The following PTPRC variants were observed in gnomAD, a reference collection of about 807,000 sequenced individuals.
The protein encoded by PTPRC is receptor-type tyrosine-protein phosphatase C.
In PTPRC, 44 loss-of-function variants were observed where a neutral mutation model predicts 155.9. The ratio of observed to expected loss-of-function variants is 0.28; its 90% CI spans 0.22 to 0.36. The LOEUF (loss-of-function observed/expected upper bound fraction) is 0.36, where lower values mean the gene tolerates loss of function less well. Among genes scored for constraint, PTPRC ranks in the 10% least tolerant of loss-of-function variants. PTPRC has a pLI of 1.00. For synonymous variants in PTPRC, 525 were observed against 533.1 expected (o/e 0.98, Z 0.21); for missense variants, 1,401 against 1,564.6 (o/e 0.90, Z 1.76).
chr1:198,709,925 T>C, intron 11 of PTPRC, 101 bp downstream of exon 11: 1 of 1,484,844 alleles, frequency 6.7e-7, no homozygotes, highest in Non-Finnish European at 9.2e-7. Context: ...TTGCTGTTTT[T>C]GATACTTTTT....
intron 2 of PTPRC, among the ~76,000 whole-genome samples, chr1:198,650,951 C>A (rs1236358828): frequency 1.3e-5 from 2 of 151,774 alleles, no homozygotes; most frequent in Non-Finnish European, 2.9e-5. Flanking sequence ...ATTTATGTCT[C>A]CCCTAGAAAG....
At chr1:198,705,001 T>C (rs1269525067) in intron 8 of PTPRC, among the ~76,000 whole-genome samples, 1 of 152,174 alleles carries the variant, frequency 6.6e-6, no homozygotes, top group Non-Finnish European at 1.5e-5. Flanking sequence ...ATGATAAATA[T>C]AAAATGTGGA....
intron 5 of PTPRC, among the ~76,000 whole-genome samples, chr1:198,700,978 G>A (rs1167863147): frequency 6.6e-6 from 1 of 152,140 alleles, no homozygotes; most frequent in African/African-American, 2.4e-5. Flanking sequence ...TGAGTGAGAG[G>A]AGTGTGGAAA....
chr1:198,734,998 G>A, intron 22 of PTPRC, 129 bp from the exon 23 acceptor site: 2 of 808,098 alleles, frequency 2.5e-6, no homozygotes, highest in Non-Finnish European at 3.9e-6. Flanking sequence ...GTTTATATGT[G>A]CTTAAACTAT....
intron 10 of PTPRC, 97 bp downstream of exon 10, chr1:198,708,358 C>A: frequency 8.1e-7 from 1 of 1,229,522 alleles, no homozygotes; most frequent in Non-Finnish European, 1.2e-6. Context: ...CTCTTCCTCC[C>A]TGCCTCTCTT....
chr1:198,751,500 C>T (rs1306354683), intron 29 of PTPRC, among the ~76,000 whole-genome samples: 1 of 151,946 alleles, frequency 6.6e-6, no homozygotes, highest in African/African-American at 2.4e-5. Flanking sequence ...TCACCTGGTC[C>T]CCTTCCCCTG....
intron 18 of PTPRC, 127 bp downstream of exon 18, chr1:198,731,853 A>G: frequency 1.3e-6 from 1 of 759,660 alleles, no homozygotes; most frequent in South Asian, 1.4e-5. Context: ...CAAAGTAGAT[A>G]TTATTAGCAG....
intron 2 of PTPRC, among the ~76,000 whole-genome samples, chr1:198,651,120 A>G (rs532609862): frequency 6.6e-6 from 1 of 151,934 alleles, no homozygotes; most frequent in Non-Finnish European, 1.5e-5. Flanking sequence ...GTACATCTTA[A>G]CATAATTTGT....
chr1:198,646,002 G>A (rs1375757162), intron 2 of PTPRC, among the ~76,000 whole-genome samples: 3 of 151,628 alleles, frequency 2.0e-5, no homozygotes, highest in Non-Finnish European at 4.4e-5. Flanking sequence ...GCTCCTATTG[G>A]TAGAAAATAT....
In PTPRC at chr1:198,716,648, C is replaced by T. The variant is rs766408493; in HGVS notation, c.1292-34C>T. The T allele has an allele frequency of 1.1e-5, 17 of 1,596,274 alleles. No homozygotes were observed. In the East Asian group the frequency reaches 2.9e-4, roughly 27 times the overall value. On this transcript the variant is annotated intron_variant, in intron 12 of 32. Transcript: ENST00000442510. Reference sequence around the variant, plus strand: ...GGTACGTGGTAGTACTGACTTTTAACGACTTACTAATTTTTTTTCACATTT... The same window carrying T: ...GGTACGTGGTAGTACTGACTTTTAATGACTTACTAATTTTTTTTCACATTT...
At chr1:198,699,889 A>AAT in intron 5 of PTPRC, 185 bp downstream of exon 5, 1 of 745,182 alleles carries the variant, frequency 1.3e-6, no homozygotes, top group Non-Finnish European at 2.2e-6. Flanking sequence ...ACAGAGATGA[A>AAT]ATAATAGTGA....
intron 16 of PTPRC, among the ~76,000 whole-genome samples, chr1:198,728,887 G>A (rs1654263638): frequency 6.6e-6 from 1 of 151,992 alleles, no homozygotes; most frequent in African/African-American, 2.4e-5. Context: ...GACAATTCTT[G>A]GTTGTTTTCT....
intron 2 of PTPRC, among the ~76,000 whole-genome samples, chr1:198,671,528 C>T (rs2102294077): frequency 6.6e-6 from 1 of 152,284 alleles, no homozygotes. Context: ...AGGGTGAAAT[C>T]AACTACTCCC....
intron 26 of PTPRC, among the ~76,000 whole-genome samples, chr1:198,746,933 T>A (rs893570198): frequency 6.6e-6 from 1 of 151,690 alleles, no homozygotes; most frequent in East Asian, 1.9e-4. Context: ...AAGAATGAGG[T>A]TTGAAACAGG....
intron 3 of PTPRC, 184 bp downstream of exon 3, chr1:198,692,557 T>C (rs773974298): frequency 1.1e-4 from 112 of 1,057,162 alleles, no homozygotes; most frequent in Non-Finnish European, 1.3e-4. Flanking sequence ...GTTTAATAAC[T>C]ACCTAAACAT....
chr1:198,727,360 G>A (rs531114781), intron 15 of PTPRC, among the ~76,000 whole-genome samples: 1 of 151,960 alleles, frequency 6.6e-6, no homozygotes, highest in Admixed American at 6.6e-5. Flanking sequence ...TTCTTCACTA[G>A]AGAGTAAGTT....
At chr1:198,706,460 C>T (rs942809123) in intron 8 of PTPRC, among the ~76,000 whole-genome samples, 1 of 152,046 alleles carries the variant, frequency 6.6e-6, no homozygotes, top group African/African-American at 2.4e-5. Flanking sequence ...ATAAAAATAG[C>T]CTAGACTTTG....
At chr1:198,680,142 GC>G in intron 2 of PTPRC, 1 of 408,240 alleles carries the variant, frequency 2.4e-6, no homozygotes, top group Non-Finnish European at 4.4e-6. Flanking sequence ...GGAAGCCGGG[GC>G]TCATTTATAG....
intron 2 of PTPRC, among the ~76,000 whole-genome samples, chr1:198,674,123 G>A (rs1376941301): frequency 6.6e-6 from 1 of 152,136 alleles, no homozygotes; most frequent in Non-Finnish European, 1.5e-5. Flanking sequence ...TGTTGTAGTT[G>A]CATTTGTTCC....
Sources: allele counts gnomAD v4.1 joint callset (sites outside exome capture counted in the v4.1 genomes callset), GRCh38; gene constraint gnomAD v4.1.1; transcripts MANE v1.5; gene names NCBI Gene and HGNC (gene_info 2026-07-23, HGNC 2026-07-21).